Variants in WDFY2 observed in about 807,000 individuals in gnomAD.
WDFY2 encodes the protein WD repeat and FYVE domain containing 2.
Under a neutral mutation model 56.4 loss-of-function variants are expected in WDFY2, and 36 were observed. The observed-to-expected ratio is 0.64, with a 90% CI of 0.49 to 0.84. The LOEUF (loss-of-function observed/expected upper bound fraction) is 0.84. Ranked by LOEUF, WDFY2 falls within the 40% of genes least tolerant of loss-of-function variation. The pLI is 0.00. For missense variants in WDFY2, 444 were observed against 512.2 expected (o/e 0.87, Z 1.29); for synonymous variants, 176 against 183.7 (o/e 0.96, Z 0.34).
rs1456581526 is a variant in WDFY2 at position 51,766,403 on chromosome 13, A to G, written c.*6634A>G. The G allele has an allele frequency of 6.6e-6, 1 of 152,214 alleles. No individual in the cohort carries two copies. The highest frequency in any genetic ancestry group is 1.5e-5 in the Non-Finnish European group (1 of 68,044). The allele number at this position is 152,214 out of a possible 1,614,324, so 9.4% of individuals were successfully genotyped here. On this transcript the variant is annotated 3_prime_UTR_variant, in exon 12 of 12. Transcript: ENST00000298125. ...AAGTCTGGACCTGGCTGCAGTGGGC[A>G]TATTACCGTATGGATATCTTTTTCT...
At chr13:51,734,516 T>G (rs1952793400) in intron 6 of WDFY2, among the ~76,000 whole-genome samples, 1 of 152,248 alleles carries the variant, frequency 6.6e-6, no homozygotes, top group South Asian at 2.1e-4. Context: ...ATGAAAACTT[T>G]TATTTTAAAA....
At position 51,695,986 on chromosome 13, in the gene WDFY2, C is replaced by T. The variant is rs539733369; in HGVS notation, c.280-7610C>T. ...GGCGTAGGACCCTCCGAGCCAGGTGCGGGATATAATCTCCTGGTGGGCCGT... is the reference window on the plus strand; with the variant it reads ...GGCGTAGGACCCTCCGAGCCAGGTGTGGGATATAATCTCCTGGTGGGCCGT... On this transcript the variant is annotated intron_variant, in intron 3 of 11. Transcript: ENST00000298125. Among the ~76,000 whole-genome samples, 178 of 152,308 alleles carry T rather than the reference C, an allele frequency of 1.2e-3. 1 individual carries two copies. The South Asian group carries it at 0.016, about 14-fold the overall frequency.
At position 51,608,680 on chromosome 13, in the gene WDFY2, AAAAAAG is replaced by A. The variant is rs1297605465; in HGVS notation, c.137+23872_137+23877del. On this transcript the variant is annotated intron_variant, in intron 1 of 11. Coordinates refer to ENST00000298125, the MANE Select transcript of WDFY2 (RefSeq NM_052950.4). The stretch of plus-strand genomic sequence containing the variant: ...TGGGTGACAGAGCGAGACTGTCTTA[AAAAAAG>A]AAAAAGAAAAAGAAACAATCACATT... 3.3e-5 allele frequency among the ~76,000 whole-genome samples: 5 copies of A among 152,102 alleles called. 1 individual carries two copies. The highest frequency in any genetic ancestry group is 5.9e-5 in the Non-Finnish European group (4 of 68,022).
chr13:51,627,990 C>T (rs970738601), intron 1 of WDFY2, among the ~76,000 whole-genome samples: 1 of 152,250 alleles, frequency 6.6e-6, no homozygotes, highest in South Asian at 2.1e-4. Context: ...CAGCCATGGG[C>T]AGGCTCAGAA....
intron 1 of WDFY2, among the ~76,000 whole-genome samples, chr13:51,639,361 G>A (rs1955113669): frequency 6.6e-6 from 1 of 151,986 alleles, no homozygotes; most frequent in African/African-American, 2.4e-5. Flanking sequence ...TAGGAGGAGG[G>A]GTTATCTGTA....
intron 8 of WDFY2, 90 bp from the exon 9 acceptor site, chr13:51,755,268 C>G (rs576220144): frequency 2.5e-6 from 3 of 1,220,290 alleles, no homozygotes; most frequent in Non-Finnish European, 3.6e-6. Context: ...TAAACACATC[C>G]TGATAGCTCC....
chr13:51,762,826 A>G lies in WDFY2; in HGVS notation c.*3057A>G, dbSNP rs147119090. 6.6e-6 allele frequency: 1 copy of G among 152,366 alleles called. No homozygotes were observed. The highest frequency in any genetic ancestry group is 2.4e-5 in the African/African-American group (1 of 41,590). The allele number at this position is 152,366 out of a possible 1,614,324, so 9.4% of individuals were successfully genotyped here. On this transcript the variant is annotated 3_prime_UTR_variant, in exon 12 of 12. Coordinates refer to ENST00000298125, the MANE Select transcript of WDFY2 (RefSeq NM_052950.4). ...CGCTGAGAAAGTGGCAGATCTACAC[A>G]TATCATACGCAGAGTTGTTCTCTAC...
Position 51,631,192 on chromosome 13 carries a change from G to A in WDFY2, c.138-29404G>A, listed in dbSNP as rs1036398392. On this transcript the variant is annotated intron_variant, in intron 1 of 11. Coordinates refer to ENST00000298125, the MANE Select transcript of WDFY2 (RefSeq NM_052950.4). Reference sequence around the variant, plus strand: ...GGATCACTTGAGCCCAGGAGTTCAAGACCAGCCTGGGCAAGATGGAGAAAT... The same window carrying A: ...GGATCACTTGAGCCCAGGAGTTCAAAACCAGCCTGGGCAAGATGGAGAAAT... 2.6e-5 allele frequency among the ~76,000 whole-genome samples: 4 copies of A among 151,426 alleles called. No individual in the cohort carries two copies. The South Asian group carries it at 8.3e-4, about 32-fold the overall frequency.
chr13:51,695,931 A>G (rs1593423669), intron 3 of WDFY2, among the ~76,000 whole-genome samples: 1 of 152,104 alleles, frequency 6.6e-6, no homozygotes, highest in Non-Finnish European at 1.5e-5. Context: ...TTGATCTCAG[A>G]CTGCTGTGCT....
intron 1 of WDFY2, among the ~76,000 whole-genome samples, chr13:51,599,896 C>A (rs1461871845): frequency 9.4e-4 from 131 of 139,716 alleles, no homozygotes; most frequent in South Asian, 3.2e-3. Flanking sequence ...AACAAACAAA[C>A]AAAAAAAAAA....
intron 1 of WDFY2, among the ~76,000 whole-genome samples, chr13:51,634,511 C>A (rs970819460): frequency 1.3e-5 from 2 of 152,080 alleles, no homozygotes; most frequent in Admixed American, 1.3e-4. Context: ...CTTGTTAGCA[C>A]TAAGATTGGA....
At chr13:51,638,246 G>A (rs1955089075) in intron 1 of WDFY2, among the ~76,000 whole-genome samples, 1 of 152,160 alleles carries the variant, frequency 6.6e-6, no homozygotes, top group Non-Finnish European at 1.5e-5. Context: ...CCTGGGTGAA[G>A]AAGGGATCAG....
intron 1 of WDFY2, among the ~76,000 whole-genome samples, chr13:51,643,221 A>G (rs1463612932): frequency 6.6e-6 from 1 of 152,154 alleles, no homozygotes; most frequent in Admixed American, 6.5e-5. Flanking sequence ...GAAATTCTGT[A>G]TCCATTACAC....
chr13:51,725,509 G>A (rs1273193696), intron 5 of WDFY2, among the ~76,000 whole-genome samples: 1 of 152,162 alleles, frequency 6.6e-6, no homozygotes, highest in Non-Finnish European at 1.5e-5. Context: ...GCAACAAAGT[G>A]AGACATTGAA....
chr13:51,647,587 C>G (rs976403839), intron 1 of WDFY2, among the ~76,000 whole-genome samples: 4 of 151,952 alleles, frequency 2.6e-5, no homozygotes, highest in Non-Finnish European at 5.9e-5. Context: ...AGACCTCCGT[C>G]TCTATAAAAT....
chr13:51,729,427 A>C (rs964477589), intron 6 of WDFY2, among the ~76,000 whole-genome samples: 14 of 151,054 alleles, frequency 9.3e-5, no homozygotes, highest in East Asian at 7.8e-4. Context: ...AAAAAAAAAA[A>C]CCACATATTT....
In WDFY2 at chr13:51,762,260, C is replaced by T. The variant is rs2138803694; in HGVS notation, c.*2491C>T. On this transcript the variant is annotated 3_prime_UTR_variant, in exon 12 of 12. Coordinates refer to ENST00000298125, the MANE Select transcript of WDFY2 (RefSeq NM_052950.4). Reference sequence around the variant, plus strand: ...TGAGATGGGTCTAGATGCGTTCAGACCTCATTCGGGAAGCAGAGTGTCCCC... The same window carrying T: ...TGAGATGGGTCTAGATGCGTTCAGATCTCATTCGGGAAGCAGAGTGTCCCC... 6.6e-6 allele frequency: 1 copy of T among 152,384 alleles called. No individual in the cohort carries two copies. 9.4% of individuals were successfully genotyped at this position (152,384 alleles called of 1,614,324 possible).
rs1230719774 is a variant in WDFY2, at chr13:51,740,071, A to G, written c.725+896A>G. The stretch of plus-strand genomic sequence containing the variant: ...GAACTAACCGGTTTTAAGCAACACT[A>G]GCTTTTCCTGTAAATCTGCTTGGAA... On this transcript the variant is annotated intron_variant, in intron 7 of 11. Transcript: ENST00000298125. Among the ~76,000 whole-genome samples, 4 of 152,222 alleles carry G rather than the reference A, an allele frequency of 2.6e-5. No homozygotes were observed. In the East Asian group the frequency reaches 7.7e-4, roughly 29 times the overall value.
intron 3 of WDFY2, among the ~76,000 whole-genome samples, chr13:51,681,341 C>G (rs539456999): frequency 3.3e-5 from 5 of 152,116 alleles, no homozygotes; most frequent in Non-Finnish European, 7.4e-5. Context: ...TCCAGGACTT[C>G]TAGTGTGATA....
Sources: gnomAD v4.1 joint callset for allele counts (sites outside exome capture counted in the v4.1 genomes callset) on GRCh38, gnomAD v4.1.1 for gene constraint, MANE v1.5 for transcripts, NCBI Gene and HGNC (gene_info 2026-07-23, HGNC 2026-07-21) for gene names.